Variants in REEP5 observed in about 807,000 individuals in gnomAD.
REEP5 encodes the protein receptor expression-enhancing protein 5.
REEP5 carries 24 observed loss-of-function variants against 22.4 expected under a neutral mutation model. The ratio of observed to expected loss-of-function variants is 1.07; its 90% CI spans 0.78 to 1.51. REEP5 has a LOEUF of 1.51. Ranked by LOEUF, REEP5 falls within the 40% of genes most tolerant of loss-of-function variation. The pLI is 0.00. For synonymous variants in REEP5, 103 were observed against 88.6 expected (o/e 1.16, Z -0.92); for missense variants, 252 against 233.0 (o/e 1.08, Z -0.53).
At chr5:112,900,159 G>C (rs1002454342) in intron 3 of REEP5, among the ~76,000 whole-genome samples, 7 of 152,052 alleles carry the variant, frequency 4.6e-5, no homozygotes, top group African/African-American at 1.7e-4. Context: ...TCTCTTCCGT[G>C]AAATACTTAA....
chr5:112,901,140 A>G (rs1768833982), intron 3 of REEP5, among the ~76,000 whole-genome samples: 1 of 152,150 alleles, frequency 6.6e-6, no homozygotes, highest in Non-Finnish European at 1.5e-5. Context: ...CGCCTGGCCA[A>G]GAGTACATTT....
chr5:112,895,873 C>A (rs1014318641), intron 3 of REEP5: 1 of 152,200 alleles, frequency 6.6e-6, no homozygotes, highest in African/African-American at 2.4e-5. Flanking sequence ...AGGAGACTCA[C>A]AAGCCCACTG....
intron 2 of REEP5, among the ~76,000 whole-genome samples, chr5:112,906,776 T>C (rs1768963847): frequency 6.6e-6 from 1 of 152,116 alleles, no homozygotes; most frequent in Non-Finnish European, 1.5e-5. Flanking sequence ...GTGCAGGTGA[T>C]CATAATGCAG....
chr5:112,900,828 T>G (rs1768823036), intron 3 of REEP5, among the ~76,000 whole-genome samples: 1 of 152,128 alleles, frequency 6.6e-6, no homozygotes, highest in Non-Finnish European at 1.5e-5. Context: ...AAAGATATTT[T>G]AAGAATATAT....
chr5:112,890,297 CA>C (rs1349710141), intron 3 of REEP5, among the ~76,000 whole-genome samples: 5 of 142,300 alleles, frequency 3.5e-5, no homozygotes, highest in Admixed American at 3.5e-4. Flanking sequence ...CTCAAAAAGA[CA>C]AAAAAAAGTT....
chr5:112,915,411 T>C (rs1435787414), intron 2 of REEP5, among the ~76,000 whole-genome samples: 3 of 152,226 alleles, frequency 2.0e-5, no homozygotes, highest in African/African-American at 7.2e-5. Context: ...CTGTCATTAT[T>C]TTACAAAATA....
intron 3 of REEP5, among the ~76,000 whole-genome samples, chr5:112,898,559 G>A (rs1010516668): frequency 6.6e-6 from 1 of 152,190 alleles, no homozygotes; most frequent in African/African-American, 2.4e-5. Flanking sequence ...ATTAGGAGTA[G>A]GCTAGAAGTC....
intron 3 of REEP5, 77 bp downstream of exon 3, chr5:112,902,303 C>A: frequency 7.2e-7 from 1 of 1,393,860 alleles, no homozygotes; most frequent in Non-Finnish European, 9.7e-7. Context: ...CACAGATGCA[C>A]AACATTCAAG....
At chr5:112,921,073 C>A in intron 2 of REEP5, 90 bp downstream of exon 2, 1 of 1,288,062 alleles carries the variant, frequency 7.8e-7, no homozygotes. Flanking sequence ...CACTTTTCTC[C>A]CGGGAATTGC....
chr5:112,888,354 G>A (rs1768325278), intron 3 of REEP5, among the ~76,000 whole-genome samples: 2 of 152,224 alleles, frequency 1.3e-5, no homozygotes, highest in African/African-American at 2.4e-5. Flanking sequence ...TGTTGGCTCT[G>A]AGAAATTTAT....
intron 4 of REEP5, among the ~76,000 whole-genome samples, chr5:112,885,989 T>G (rs542714555): frequency 6.6e-6 from 1 of 152,348 alleles, no homozygotes; most frequent in African/African-American, 2.4e-5. Flanking sequence ...TTACAGTGAC[T>G]GTGGGTATGA....
Position 112,913,997 on chromosome 5 carries a change from T to G in REEP5, c.212+7166A>C, listed in dbSNP as rs529231463. Among the ~76,000 whole-genome samples, 14 of 151,362 alleles carry G rather than the reference T, an allele frequency of 9.2e-5. No individual in the cohort carries two copies. In the South Asian group the frequency reaches 2.5e-3, roughly 27 times the overall value. On this transcript the variant is annotated intron_variant, in intron 2 of 4. Transcript: ENST00000379638. ...GGCAAAACCCCATCTCTACAAAAAA[T>G]ACAAAAAATTAGTACACACCTGTAG... is the stretch of plus-strand genomic sequence containing the variant.
chr5:112,878,813 T>G lies in REEP5; in HGVS notation c.543A>C (p.Leu181Phe), dbSNP rs1195355048. ...AGGTGCTCTTCTTTTCTTCACCCAGTAAATTCACGGTAGCTTTCTTCGCTG... is the reference window on the plus strand; with the variant it reads ...AGGTGCTCTTCTTTTCTTCACCCAGGAAATTCACGGTAGCTTTCTTCGCTG... ...TKEAKKATVN[L>F]LGEEKKST The change falls in exon 5 of 5, where the codon TTA becomes TTC. Residue 181 changes from leucine to phenylalanine, a missense_variant. Physicochemically the swap from Leu to Phe is conservative, Grantham distance 22 (BLOSUM62 0). Coordinates refer to ENST00000379638, the MANE Select transcript of REEP5 (RefSeq NM_005669.5). 2 of 1,614,010 alleles carry G rather than the reference T, an allele frequency of 1.2e-6. No homozygotes were observed. Among genetic ancestry groups the G allele is most frequent in the African/African-American group, 1.3e-5 (1 of 74,904 alleles).
Position 112,921,292 on chromosome 5 carries a change from A to G in REEP5, c.119-36T>C, listed in dbSNP as rs377166215. On this transcript the variant is annotated intron_variant, in intron 1 of 4. Coordinates refer to ENST00000379638, the MANE Select transcript of REEP5 (RefSeq NM_005669.5). The stretch of plus-strand genomic sequence containing the variant: ...CAAGGAGAGAAGTGGGTCGGGCAGC[A>G]TGAGAGCCGTTCACGCGGGACAGCC... 3 of 1,603,750 alleles carry G rather than the reference A, an allele frequency of 1.9e-6. No homozygotes were observed. The Admixed American group carries it at 5.1e-5, about 27-fold the overall frequency.
chr5:112,884,562 A>T (rs573154176), intron 4 of REEP5, among the ~76,000 whole-genome samples: 1 of 151,990 alleles, frequency 6.6e-6, no homozygotes, highest in East Asian at 1.9e-4. Context: ...ATTTTTGTAG[A>T]GAGCGGGTCT....
intron 3 of REEP5, among the ~76,000 whole-genome samples, chr5:112,890,712 C>G (rs996570395): frequency 4.0e-5 from 6 of 150,496 alleles, no homozygotes; most frequent in Non-Finnish European, 8.8e-5. Flanking sequence ...ACAGATCTCT[C>G]AACCCAACAA....
intron 3 of REEP5, chr5:112,892,344 A>T (rs1460218057): frequency 6.2e-7 from 1 of 1,614,154 alleles, no homozygotes; most frequent in Non-Finnish European, 8.5e-7. Flanking sequence ...ACAGCGAGGA[A>T]GAAACCTACC....
intron 3 of REEP5, chr5:112,892,114 C>G (rs1280174636): frequency 1.2e-6 from 2 of 1,614,056 alleles, no homozygotes; most frequent in African/African-American, 2.7e-5. Context: ...TACCACATGG[C>G]AAAACCCAGA....
chr5:112,901,597 A>AGCTACT (rs1444303348), intron 3 of REEP5, among the ~76,000 whole-genome samples: 1 of 152,046 alleles, frequency 6.6e-6, no homozygotes, highest in Non-Finnish European at 1.5e-5. Flanking sequence ...CTGTAATCCC[A>AGCTACT]GCTACTCGGG....
Sources: gnomAD v4.1 joint callset for allele counts (sites outside exome capture counted in the v4.1 genomes callset) on GRCh38, gnomAD v4.1.1 for gene constraint, MANE v1.5 for transcripts, NCBI Gene and HGNC (gene_info 2026-07-23, HGNC 2026-07-21) for gene names.